FMN2: variants seen among roughly 807,000 people sequenced by gnomAD.
The protein encoded by FMN2 is formin 2, also known as formin-2.
Under a neutral mutation model 142.3 loss-of-function variants are expected in FMN2, and 51 were observed. The ratio of observed to expected loss-of-function variants is 0.36; its 90% CI spans 0.29 to 0.45. FMN2 has a LOEUF of 0.45. Among genes scored for constraint, FMN2 ranks in the 20% least tolerant of loss-of-function variants. The pLI, the probability that FMN2 is intolerant of heterozygous loss-of-function variation, is 1.00. For synonymous variants in FMN2, 882 were observed against 869.8 expected (o/e 1.01, Z -0.25); for missense variants, 1,936 against 2,122.8 (o/e 0.91, Z 1.73).
At chr1:240,184,469 G>T (rs1362805194) in intron 3 of FMN2, among the ~76,000 whole-genome samples, 2 of 150,412 alleles carry the variant, frequency 1.3e-5, no homozygotes, top group Non-Finnish European at 3.0e-5. Context: ...GCCCGCCTCG[G>T]CCTCCCGAAG....
chr1:240,202,478 C>T (rs1666161865), intron 4 of FMN2, among the ~76,000 whole-genome samples: 1 of 151,984 alleles, frequency 6.6e-6, no homozygotes. Context: ...TTATTAGGAT[C>T]ATTTTCTTTT....
At chr1:240,397,709 G>A (rs1391389296) in intron 15 of FMN2, among the ~76,000 whole-genome samples, 1 of 142,666 alleles carries the variant, frequency 7.0e-6, no homozygotes, top group African/African-American at 2.6e-5. Context: ...AGAATCGCTT[G>A]AACCTGGGAG....
chr1:240,265,555 G>A (rs976072365), intron 7 of FMN2, among the ~76,000 whole-genome samples: 1 of 152,050 alleles, frequency 6.6e-6, no homozygotes, highest in African/African-American at 2.4e-5. Context: ...TGAGTCAGCT[G>A]GCACCTTGAT....
Position 240,371,323 on chromosome 1 carries a change from A to G in FMN2, c.4858+15415A>G, listed in dbSNP as rs145643423. Among the ~76,000 whole-genome samples the G allele has an allele frequency of 7.4e-3, 1,120 of 152,170 alleles. 15 individuals carry two copies. The highest frequency in any genetic ancestry group is 0.026 in the African/African-American group (1,079 of 41,512). On this transcript the variant is annotated intron_variant, in intron 14 of 17. Coordinates refer to ENST00000319653, the MANE Select transcript of FMN2 (RefSeq NM_020066.5). ...TGTTAGATAATACAAAATTAATTGC[A>G]TATTTTTTCATGGTTAAGTCTAAGC...
At chr1:240,277,315 C>G (rs1669247274) in intron 7 of FMN2, among the ~76,000 whole-genome samples, 1 of 151,772 alleles carries the variant, frequency 6.6e-6, no homozygotes, top group South Asian at 2.1e-4. Context: ...TCTTCTAATT[C>G]TTAGAATTTT....
rs140680580 is a variant in FMN2 at position 240,175,862 on chromosome 1, T to C, written c.1783-2059T>C. On this transcript the variant is annotated intron_variant, in intron 2 of 17. Coordinates refer to ENST00000319653, the MANE Select transcript of FMN2 (RefSeq NM_020066.5). ...ATTTTGTGTATCTTCTTTGAAACAATGTCTATTCAAGTCCTTTGCCCATTT... is the reference window on the plus strand; with the variant it reads ...ATTTTGTGTATCTTCTTTGAAACAACGTCTATTCAAGTCCTTTGCCCATTT... Among the ~76,000 whole-genome samples the C allele has an allele frequency of 3.7e-3, 571 of 152,294 alleles. 5 individuals are homozygous for C. Among genetic ancestry groups the C allele is most frequent in the African/African-American group, 0.012 (512 of 41,558 alleles).
intron 2 of FMN2, among the ~76,000 whole-genome samples, chr1:240,171,488 G>T (rs1664700693): frequency 6.6e-6 from 1 of 152,002 alleles, no homozygotes; most frequent in South Asian, 2.1e-4. Context: ...ATAATTGCTA[G>T]CTCATTAAGG....
At position 240,367,564 on chromosome 1, in the gene FMN2, C is replaced by G. The variant is rs184011308; in HGVS notation, c.4858+11656C>G. ...TGGGTGGATCACGAGGTCAGGAGATCGAGACCATCCTGGCTAACACGGTGA... is the reference window on the plus strand; with the variant it reads ...TGGGTGGATCACGAGGTCAGGAGATGGAGACCATCCTGGCTAACACGGTGA... On this transcript the variant is annotated intron_variant, in intron 14 of 17. Transcript: ENST00000319653. 4.2e-3 allele frequency among the ~76,000 whole-genome samples: 637 copies of G among 151,862 alleles called. 3 individuals carry two copies. Among genetic ancestry groups the G allele is most frequent in the African/African-American group, 0.014 (587 of 41,448 alleles).
intron 5 of FMN2, among the ~76,000 whole-genome samples, chr1:240,209,686 C>T (rs948966670): frequency 5.3e-5 from 8 of 150,648 alleles, no homozygotes; most frequent in African/African-American, 1.9e-4. Flanking sequence ...GGGTGGATCA[C>T]AAGGTCAGGA....
chr1:240,103,159 C>G (rs886564174), intron 1 of FMN2, among the ~76,000 whole-genome samples: 9 of 152,220 alleles, frequency 5.9e-5, no homozygotes, highest in Non-Finnish European at 1.2e-4. Context: ...AGCCACTGCT[C>G]CTGGCCAATG....
intron 2 of FMN2, among the ~76,000 whole-genome samples, chr1:240,150,238 T>G (rs547319159): frequency 1.3e-4 from 20 of 152,280 alleles, no homozygotes; most frequent in African/African-American, 4.8e-4. Context: ...ACAAAGATCA[T>G]GGATGCTTAT....
At chr1:240,204,493 G>A (rs774883727) in intron 4 of FMN2, among the ~76,000 whole-genome samples, 3 of 152,178 alleles carry the variant, frequency 2.0e-5, no homozygotes, top group Non-Finnish European at 4.4e-5. Context: ...GCTCACGCCT[G>A]TAATCCCAGC....
chr1:240,441,914 C>T (rs1205066005), intron 16 of FMN2, among the ~76,000 whole-genome samples: 4 of 151,930 alleles, frequency 2.6e-5, no homozygotes, highest in East Asian at 3.9e-4. Context: ...AATAAAACCC[C>T]GCTCTGAATA....
At chr1:240,212,732 C>T (rs1034967679) in intron 6 of FMN2, among the ~76,000 whole-genome samples, 2 of 152,160 alleles carry the variant, frequency 1.3e-5, no homozygotes, top group African/African-American at 2.4e-5. Context: ...GCTGAATCAT[C>T]GTATCTCCTC....
At chr1:240,305,534 T>C (rs1670357183) in intron 8 of FMN2, among the ~76,000 whole-genome samples, 1 of 152,196 alleles carries the variant, frequency 6.6e-6, no homozygotes, top group African/African-American at 2.4e-5. Context: ...CCATAATGTA[T>C]GCCTAATAAA....
In FMN2 at chr1:240,453,916, G is replaced by A. The variant is rs1315406759; in HGVS notation, c.5060+15706G>A. Among the ~76,000 whole-genome samples the A allele has an allele frequency of 9.0e-5, 2 of 22,132 alleles. 1 individual carries two copies. The highest frequency in any genetic ancestry group is 1.9e-3 in the East Asian group (2 of 1,046). 14.5% of individuals were successfully genotyped at this position (22,132 alleles called of 152,430 possible). A position where few individuals can be genotyped will look rare whatever the true frequency, so the allele number is the denominator to read the frequency against. On this transcript the variant is annotated intron_variant, in intron 16 of 17. Coordinates refer to ENST00000319653, the MANE Select transcript of FMN2 (RefSeq NM_020066.5). ...AGGCAGGAGAATGGCGTGAACCCGG[G>A]AAGCGGAGCTTGCAGTGAGCCGAGA...
At chr1:240,198,835 G>A (rs927919559) in intron 4 of FMN2, among the ~76,000 whole-genome samples, 5 of 152,036 alleles carry the variant, frequency 3.3e-5, no homozygotes, top group Admixed American at 1.3e-4. Context: ...AGCCTGGCGC[G>A]GTGGCTCACA....
chr1:240,380,251 G>T (rs556270631), intron 14 of FMN2, among the ~76,000 whole-genome samples: 1 of 152,178 alleles, frequency 6.6e-6, no homozygotes, highest in Non-Finnish European at 1.5e-5. Context: ...AAGTTTCAAT[G>T]AATTTTTTAA....
intron 14 of FMN2, among the ~76,000 whole-genome samples, chr1:240,392,174 G>A (rs1558468018): frequency 6.6e-6 from 1 of 151,524 alleles, no homozygotes; most frequent in Non-Finnish European, 1.5e-5. Context: ...CTAATTGTTG[G>A]CATTTAAACA....
Sources: gnomAD v4.1 joint callset for allele counts (sites outside exome capture counted in the v4.1 genomes callset) on GRCh38, gnomAD v4.1.1 for gene constraint, MANE v1.5 for transcripts, NCBI Gene and HGNC (gene_info 2026-07-23, HGNC 2026-07-21) for gene names.